CACNA2D3: variants seen among roughly 807,000 people sequenced by gnomAD.
The protein encoded by CACNA2D3 is voltage-dependent calcium channel subunit alpha-2/delta-3.
CACNA2D3 carries 60 observed loss-of-function variants against 160.6 expected under a neutral mutation model. That is an observed-to-expected ratio of 0.37 (90% confidence interval 0.30 to 0.46). The LOEUF is 0.46. Among genes scored for constraint, CACNA2D3 ranks in the 20% least tolerant of loss-of-function variants. The probability of loss-of-function intolerance (pLI) is 1.00; values close to 1 mark genes in which losing one functional copy is unlikely to be tolerated. For synonymous variants in CACNA2D3, 558 were observed against 492.9 expected (o/e 1.13, Z -1.75); for missense variants, 1,205 against 1,365.0 (o/e 0.88, Z 1.85).
intron 29 of CACNA2D3, among the ~76,000 whole-genome samples, chr3:54,982,751 A>G (rs1702533355): frequency 6.6e-6 from 1 of 150,698 alleles, no homozygotes; most frequent in African/African-American, 2.4e-5. Flanking sequence ...CAAGGGGTGG[A>G]TGATTCATGC....
chr3:54,499,440 T>C (rs915656620), intron 4 of CACNA2D3, among the ~76,000 whole-genome samples: 6 of 152,182 alleles, frequency 3.9e-5, no homozygotes, highest in Admixed American at 1.3e-4. Context: ...ATACATTTTT[T>C]CTGCTTACTT....
At chr3:54,257,867 G>A (rs1209645511) in intron 2 of CACNA2D3, among the ~76,000 whole-genome samples, 1 of 152,164 alleles carries the variant, frequency 6.6e-6, no homozygotes, top group African/African-American at 2.4e-5. Context: ...AATCCAGGTA[G>A]GAAGTCAAGA....
chr3:54,956,598 A>T (rs1701900783), intron 27 of CACNA2D3, among the ~76,000 whole-genome samples: 1 of 152,138 alleles, frequency 6.6e-6, no homozygotes, highest in Non-Finnish European at 1.5e-5. Flanking sequence ...TTAGGCTGTC[A>T]TAAATTCCTG....
At chr3:54,128,245 G>T (rs1381650823) in intron 2 of CACNA2D3, among the ~76,000 whole-genome samples, 1 of 151,862 alleles carries the variant, frequency 6.6e-6, no homozygotes, top group Admixed American at 6.6e-5. Flanking sequence ...AAATCCATTG[G>T]GCCTGAGCTG....
intron 29 of CACNA2D3, among the ~76,000 whole-genome samples, chr3:54,981,460 CA>C (rs1702506115): frequency 1.3e-5 from 2 of 151,696 alleles, no homozygotes; most frequent in South Asian, 4.2e-4. Flanking sequence ...TTTACCTAAA[CA>C]GTGATTTTTA....
At position 54,912,024 on chromosome 3, in the gene CACNA2D3, G is replaced by A. The variant is rs544557701; in HGVS notation, c.2449+12156G>A. Among the ~76,000 whole-genome samples, 22 of 152,202 alleles carry A rather than the reference G, an allele frequency of 1.4e-4. 1 individual carries two copies. In the South Asian group the frequency reaches 2.3e-3, roughly 16 times the overall value. On this transcript the variant is annotated intron_variant, in intron 27 of 37. Transcript: ENST00000474759. ...AAATGAAAGTGTTGTTGAGGGTTGC[G>A]GACTCATCTGAAGGCTCAACAGAGG...
intron 27 of CACNA2D3, among the ~76,000 whole-genome samples, chr3:54,949,155 A>G (rs1002378588): frequency 4.6e-5 from 7 of 152,180 alleles, no homozygotes; most frequent in South Asian, 4.1e-4. Context: ...TTTCAGTTCA[A>G]TGTCCTGGGG....
intron 2 of CACNA2D3, among the ~76,000 whole-genome samples, chr3:54,306,967 GC>G (rs1234371242): frequency 6.6e-6 from 1 of 152,082 alleles, no homozygotes; most frequent in Non-Finnish European, 1.5e-5. Flanking sequence ...GCTGCCGCAT[GC>G]CCCCCGCCCT....
At chr3:54,928,194 T>C (rs1701082449) in intron 27 of CACNA2D3, 1 of 456,514 alleles carries the variant, frequency 2.2e-6, no homozygotes, top group Non-Finnish European at 3.9e-6. Context: ...CCCAGGATCA[T>C]CCCTGCCTTT....
intron 14 of CACNA2D3, among the ~76,000 whole-genome samples, chr3:54,828,441 T>A (rs1703790650): frequency 6.6e-6 from 1 of 152,234 alleles, no homozygotes; most frequent in Non-Finnish European, 1.5e-5. Context: ...CATGGCTTTA[T>A]TTATATATGT....
chr3:54,876,543 A>T (rs984198863), intron 18 of CACNA2D3, among the ~76,000 whole-genome samples: 1 of 152,214 alleles, frequency 6.6e-6, no homozygotes, highest in Admixed American at 6.5e-5. Context: ...TTTGATTTTT[A>T]AAAACTCAGA....
chr3:54,397,542 A>C (rs190918657), intron 4 of CACNA2D3, among the ~76,000 whole-genome samples: 1 of 144,028 alleles, frequency 6.9e-6, no homozygotes, highest in Non-Finnish European at 1.5e-5. Context: ...GTTTCAAAGA[A>C]CATTTTTATT....
At chr3:54,453,535 C>T (rs1234537358) in intron 4 of CACNA2D3, among the ~76,000 whole-genome samples, 1 of 152,122 alleles carries the variant, frequency 6.6e-6, no homozygotes, top group Non-Finnish European at 1.5e-5. Flanking sequence ...TTGCCATTAA[C>T]AGAAACACAG....
intron 10 of CACNA2D3, among the ~76,000 whole-genome samples, chr3:54,633,916 C>T (rs1575395789): frequency 6.6e-6 from 1 of 152,136 alleles, no homozygotes; most frequent in Admixed American, 6.6e-5. Context: ...GCTGAGATGA[C>T]ATCGAGTGCT....
intron 8 of CACNA2D3, among the ~76,000 whole-genome samples, chr3:54,577,275 G>A (rs181193257): frequency 5.9e-5 from 9 of 152,270 alleles, no homozygotes; most frequent in Non-Finnish European, 1.3e-4. Context: ...GCCTTCCTGC[G>A]TGGGGATTTC....
intron 29 of CACNA2D3, among the ~76,000 whole-genome samples, chr3:54,982,324 C>G (rs1702525483): frequency 6.6e-6 from 1 of 152,166 alleles, no homozygotes; most frequent in Non-Finnish European, 1.5e-5. Context: ...TTTGATCAAG[C>G]ATCTTTGCCT....
intron 2 of CACNA2D3, among the ~76,000 whole-genome samples, chr3:54,179,490 C>G (rs1396293159): frequency 2.0e-5 from 3 of 152,202 alleles, no homozygotes; most frequent in African/African-American, 7.2e-5. Flanking sequence ...CGCCCTCATG[C>G]CTCCTGCCCA....
intron 10 of CACNA2D3, chr3:54,638,399 A>T (rs948216189): frequency 6.6e-6 from 1 of 152,004 alleles, no homozygotes; most frequent in Non-Finnish European, 1.5e-5. Flanking sequence ...ATTGCTGGGC[A>T]GGTCGGGGAG....
intron 13 of CACNA2D3, among the ~76,000 whole-genome samples, chr3:54,804,027 G>A (rs1477168559): frequency 6.6e-5 from 10 of 151,742 alleles, no homozygotes; most frequent in Non-Finnish European, 1.2e-4. Flanking sequence ...TCACCACCAG[G>A]CCTGCCCTAA....
Sources: gnomAD v4.1 joint callset for allele counts (sites outside exome capture counted in the v4.1 genomes callset) on GRCh38, gnomAD v4.1.1 for gene constraint, MANE v1.5 for transcripts, NCBI Gene and HGNC (gene_info 2026-07-23, HGNC 2026-07-21) for gene names.